The following AFF4 variants were observed in gnomAD, a reference collection of about 807,000 sequenced individuals.
AFF4 encodes the protein ALF transcription elongation factor 4, also known as AF4/FMR2 family member 4.
A neutral mutation model predicts 124.8 loss-of-function variants in AFF4; 13 were observed. The ratio of observed to expected loss-of-function variants is 0.10; its 90% CI spans 0.07 to 0.17. The LOEUF (loss-of-function observed/expected upper bound fraction) is 0.17, where lower values mean the gene tolerates loss of function less well. AFF4 is among the 10% of genes least tolerant of loss of function. The pLI, the probability that AFF4 is intolerant of heterozygous loss-of-function variation, is 1.00. For missense variants in AFF4, 1,092 were observed against 1,403.8 expected (o/e 0.78, Z 3.55); for synonymous variants, 477 against 496.1 (o/e 0.96, Z 0.51).
At chr5:132,946,914 A>G (rs1209816085) in intron 1 of AFF4, among the ~76,000 whole-genome samples, 1 of 152,170 alleles carries the variant, frequency 6.6e-6, no homozygotes, top group Admixed American at 6.6e-5. Context: ...ATTTTAGGTC[A>G]GGCGTGGTGG....
Position 132,926,196 on chromosome 5 carries a change from A to G in AFF4, c.1050+925T>C, listed in dbSNP as rs867896281. The G allele has an allele frequency of 6.3e-5, 30 of 474,670 alleles. 2 individuals are homozygous for G. The Middle Eastern group carries it at 9.9e-3, about 156-fold the overall frequency. 29.4% of individuals were successfully genotyped at this position (474,670 alleles called of 1,614,324 possible). On this transcript the variant is annotated intron_variant, in intron 5 of 20. Transcript: ENST00000265343. ...GATTATATATGTATTACATGAATAT[A>G]AAAAAGACTTGCAAAGGTACTTAGG...
chr5:132,939,792 G>A (rs1438740389), intron 1 of AFF4, among the ~76,000 whole-genome samples: 1 of 152,072 alleles, frequency 6.6e-6, no homozygotes, highest in Non-Finnish European at 1.5e-5. Context: ...TGTATTTTTA[G>A]TAGCGATGGG....
intron 2 of AFF4, 96 bp downstream of exon 2, chr5:132,936,971 T>A: frequency 6.9e-7 from 1 of 1,451,546 alleles, no homozygotes; most frequent in Non-Finnish European, 9.3e-7. Flanking sequence ...GTATTCATAG[T>A]AATTCTTTTC....
intron 6 of AFF4, 31 bp from the exon 7 acceptor site, chr5:132,902,518 A>C: frequency 1.3e-6 from 2 of 1,508,972 alleles, no homozygotes; most frequent in Non-Finnish European, 1.8e-6. Context: ...TGAGCAACTA[A>C]AGGATGGCTA....
chr5:132,910,206 T>C (rs766762068), intron 5 of AFF4, among the ~76,000 whole-genome samples: 10 of 152,158 alleles, frequency 6.6e-5, no homozygotes, highest in Non-Finnish European at 1.0e-4. Flanking sequence ...GACTGATGAA[T>C]CACATGGAAC....
intron 1 of AFF4, among the ~76,000 whole-genome samples, chr5:132,955,230 A>C (rs1417755668): frequency 6.6e-6 from 1 of 151,848 alleles, no homozygotes; most frequent in Non-Finnish European, 1.5e-5. Flanking sequence ...TGGAGTTTTT[A>C]TGGGTACAGG....
chr5:132,931,353 C>T (rs1312525344), intron 4 of AFF4, among the ~76,000 whole-genome samples: 1 of 151,976 alleles, frequency 6.6e-6, no homozygotes, highest in Non-Finnish European at 1.5e-5. Flanking sequence ...TGCTTGAACC[C>T]AGGAGACAGA....
intron 1 of AFF4, among the ~76,000 whole-genome samples, chr5:132,953,581 T>C (rs1282962713): frequency 2.0e-5 from 3 of 152,028 alleles, no homozygotes; most frequent in Non-Finnish European, 4.4e-5. Flanking sequence ...TCTTAATACA[T>C]CTAAAATTAA....
At chr5:132,902,718 G>T (rs973282249) in intron 6 of AFF4, among the ~76,000 whole-genome samples, 1 of 152,136 alleles carries the variant, frequency 6.6e-6, no homozygotes, top group African/African-American at 2.4e-5. Flanking sequence ...CTTCTTGAAG[G>T]GCAATCTGGT....
chr5:132,940,593 A>C (rs1761545205), intron 1 of AFF4, among the ~76,000 whole-genome samples: 1 of 152,220 alleles, frequency 6.6e-6, no homozygotes, highest in Admixed American at 6.5e-5. Flanking sequence ...GTATTTCTAT[A>C]TCTCTTGTAA....
At chr5:132,892,881 G>C in intron 12 of AFF4, 149 bp downstream of exon 12, 1 of 676,048 alleles carries the variant, frequency 1.5e-6, no homozygotes, top group South Asian at 2.1e-5. Context: ...AAAAGTGAAA[G>C]CTCCCACTAT....
At chr5:132,899,040 C>T in intron 9 of AFF4, 64 bp downstream of exon 9, 1 of 1,392,480 alleles carries the variant, frequency 7.2e-7, no homozygotes. Flanking sequence ...CTTATTATAT[C>T]CCTGCAATGT....
At chr5:132,953,385 T>C (rs1229722912) in intron 1 of AFF4, among the ~76,000 whole-genome samples, 2 of 151,908 alleles carry the variant, frequency 1.3e-5, no homozygotes, top group African/African-American at 4.8e-5. Context: ...GACTAAAGGA[T>C]GCATGACACC....
At chr5:132,942,003 T>A (rs1468291641) in intron 1 of AFF4, among the ~76,000 whole-genome samples, 2 of 144,112 alleles carry the variant, frequency 1.4e-5, no homozygotes, top group African/African-American at 2.6e-5. Context: ...CAAGACTCCA[T>A]CTCAAAAAAA....
At chr5:132,940,904 G>A (rs1761553219) in intron 1 of AFF4, among the ~76,000 whole-genome samples, 1 of 151,950 alleles carries the variant, frequency 6.6e-6, no homozygotes, top group Non-Finnish European at 1.5e-5. Flanking sequence ...GCAGGTGCCT[G>A]TAATCCCAGC....
chr5:132,938,109 T>G (rs560535949), intron 1 of AFF4, among the ~76,000 whole-genome samples: 44 of 151,694 alleles, frequency 2.9e-4, no homozygotes, highest in Admixed American at 5.9e-4. Context: ...GTTTTGTTTT[T>G]TTTTTTAAAA....
intron 1 of AFF4, among the ~76,000 whole-genome samples, chr5:132,955,302 G>A (rs1054221077): frequency 5.3e-5 from 8 of 151,998 alleles, no homozygotes; most frequent in African/African-American, 1.9e-4. Context: ...AGGAAAACAG[G>A]GATGTGAAGT....
chr5:132,934,473 G>T lies in AFF4; in HGVS notation c.592C>A (p.His198Asn). ...TCCTTGCTATGGTGATCATTCCCAT[G>T]AGACCTGGAATGACTAGAGTTTAAT... ...SSLNSSHSRS[H>N]GNDHHSKEHQ... The change falls in exon 3 of 21, where the codon CAT becomes AAT. Residue 198 changes from histidine to asparagine, a missense_variant. Physicochemically the swap from His to Asn is moderately conservative, Grantham distance 68. Around this residue, in one of 11 missense-constraint regions of AFF4, gnomAD observed 188 missense variants for 203.0 expected, o/e 0.93. Transcript: ENST00000265343. 6.2e-7 allele frequency: 1 copy of T among 1,614,170 alleles called. No individual in the cohort carries two copies. Among genetic ancestry groups the T allele is most frequent in the Non-Finnish European group, 8.5e-7 (1 of 1,180,014 alleles).
At chr5:132,932,704 G>C (rs1269712997) in intron 3 of AFF4, among the ~76,000 whole-genome samples, 1 of 152,154 alleles carries the variant, frequency 6.6e-6, no homozygotes, top group Non-Finnish European at 1.5e-5. Context: ...TCCAATAATG[G>C]AACACCAAGC....
Sources: allele counts gnomAD v4.1 joint callset (sites outside exome capture counted in the v4.1 genomes callset), GRCh38; gene constraint gnomAD v4.1.1; regional missense constraint gnomAD v4.1.1; transcripts MANE v1.5; gene names NCBI Gene and HGNC (gene_info 2026-07-23, HGNC 2026-07-21).